The following CCSER2 variants were observed in gnomAD, a reference collection of about 807,000 sequenced individuals.
The protein encoded by CCSER2 is coiled-coil serine rich protein 2.
Under a neutral mutation model 92.3 loss-of-function variants are expected in CCSER2, and 46 were observed. The ratio of observed to expected loss-of-function variants is 0.50; its 90% CI spans 0.39 to 0.64. CCSER2 has a LOEUF of 0.64. CCSER2 is among the 30% of genes least tolerant of loss of function. The probability of loss-of-function intolerance (pLI) is 0.00; values close to 1 mark genes in which losing one functional copy is unlikely to be tolerated. For synonymous variants in CCSER2, 433 were observed against 431.4 expected, an observed-to-expected ratio of 1.00 and a Z score of -0.04; for missense variants, 1,244 against 1,238.9, an observed-to-expected ratio of 1.00 and a Z score of -0.06.
At chr10:84,472,682 A>C (rs896230321) in intron 8 of CCSER2, among the ~76,000 whole-genome samples, 1 of 152,188 alleles carries the variant, frequency 6.6e-6, no homozygotes, top group Non-Finnish European at 1.5e-5. Flanking sequence ...GATTTATGTA[A>C]AAGGTCACTT....
chr10:84,338,427 G>A (rs1478449658), intron 1 of CCSER2, among the ~76,000 whole-genome samples: 1 of 151,778 alleles, frequency 6.6e-6, no homozygotes, highest in Non-Finnish European at 1.5e-5. Context: ...GTGAAATTAG[G>A]GTCCCAAGTT....
At chr10:84,436,506 G>A (rs1394051902) in intron 5 of CCSER2, among the ~76,000 whole-genome samples, 1 of 147,410 alleles carries the variant, frequency 6.8e-6, no homozygotes, top group Non-Finnish European at 1.5e-5. Context: ...GTGCTGGCGG[G>A]CACCTGTAGT....
chr10:84,440,765 T>C (rs1469141688), intron 6 of CCSER2, among the ~76,000 whole-genome samples: 1 of 152,232 alleles, frequency 6.6e-6, no homozygotes, highest in Non-Finnish European at 1.5e-5. Context: ...AAAATCTCTT[T>C]ATCCTGGTCT....
chr10:84,389,072 C>A, intron 3 of CCSER2: 1 of 238,340 alleles, frequency 4.2e-6, no homozygotes, highest in South Asian at 4.7e-5. Flanking sequence ...TCCTCGGACC[C>A]CATTCAAGTT....
intron 1 of CCSER2, among the ~76,000 whole-genome samples, chr10:84,363,937 G>A (rs1212224463): frequency 6.6e-6 from 1 of 152,100 alleles, no homozygotes; most frequent in African/African-American, 2.4e-5. Context: ...AAGGCTATAT[G>A]GTATACTATC....
intron 9 of CCSER2, among the ~76,000 whole-genome samples, chr10:84,496,534 C>G (rs1848460638): frequency 6.6e-6 from 1 of 152,082 alleles, no homozygotes; most frequent in Non-Finnish European, 1.5e-5. Flanking sequence ...ATCTGCCCGC[C>G]TCGGCCTCCC....
rs1589465731 is a variant in CCSER2, at chr10:84,371,100, A to G, written c.48A>G (p.Pro16=). 6.2e-7 allele frequency: 1 copy of G among 1,604,796 alleles called. No homozygotes were observed. The highest frequency in any genetic ancestry group is 8.5e-7 in the Non-Finnish European group (1 of 1,176,738). ...QIKTFLGSKL[P]KYGTKSVRST... ...AGACATTTTTGGGTTCCAAGTTGCC[A>G]AAGTATGGAACAAAATCTGTAAGAA... The change falls in exon 2 of 10, where the codon CCA becomes CCG. Residue 16 remains proline, a synonymous_variant. Coordinates refer to ENST00000372088, the MANE Select transcript of CCSER2 (RefSeq NM_001284240.2).
intron 3 of CCSER2, among the ~76,000 whole-genome samples, chr10:84,410,413 C>T (rs1182913819): frequency 6.6e-6 from 1 of 152,168 alleles, no homozygotes; most frequent in Non-Finnish European, 1.5e-5. Context: ...TCTTCACAGC[C>T]ATACCAGCAT....
Position 84,517,636 on chromosome 10 carries a change from T to C in CCSER2, c.*3369T>C, listed in dbSNP as rs188056860. The C allele has an allele frequency of 2.0e-5, 3 of 152,752 alleles. No individual in the cohort carries two copies. Among genetic ancestry groups the C allele is most frequent in the East Asian group, 3.9e-4 (2 of 5,188 alleles). The allele number at this position is 152,752 out of a possible 1,614,324, so 9.5% of individuals were successfully genotyped here. ...TTGTAATTGTTGCTGTTTGAAGATA[T>C]CAGTACAGCTGTTCACAGAAATATA... On this transcript the variant is annotated 3_prime_UTR_variant, in exon 10 of 10. Transcript: ENST00000372088.
At chr10:84,353,200 C>A (rs1844961867) in intron 1 of CCSER2, among the ~76,000 whole-genome samples, 1 of 152,146 alleles carries the variant, frequency 6.6e-6, no homozygotes, top group Non-Finnish European at 1.5e-5. Context: ...CTTTTGTTTT[C>A]AGCAGGGACG....
intron 3 of CCSER2, among the ~76,000 whole-genome samples, chr10:84,377,182 C>A (rs532289705): frequency 2.0e-5 from 3 of 152,186 alleles, no homozygotes; most frequent in African/African-American, 7.2e-5. Flanking sequence ...ATAGAACTTA[C>A]CAATTTTGAT....
chr10:84,511,054 G>A lies in CCSER2; in HGVS notation c.2326-2395G>A, dbSNP rs574876619. Among the ~76,000 whole-genome samples, 10 of 152,050 alleles carry A rather than the reference G, an allele frequency of 6.6e-5. No individual in the cohort carries two copies. In the East Asian group the frequency reaches 9.6e-4, roughly 15 times the overall value. ...TAATAAAAATATAAAATTTTATTTC[G>A]CATATAGAAACCACTGATTTAGTTA... On this transcript the variant is annotated intron_variant, in intron 9 of 9. Coordinates refer to ENST00000372088, the MANE Select transcript of CCSER2 (RefSeq NM_001284240.2).
At chr10:84,389,516 G>A (rs1421472128) in intron 3 of CCSER2, 1 of 273,108 alleles carries the variant, frequency 3.7e-6, no homozygotes, top group Non-Finnish European at 7.3e-6. Flanking sequence ...GGTACTGGTT[G>A]CCCTGGGGGC....
Position 84,371,516 on chromosome 10 carries a change from G to T in CCSER2, c.464G>T (p.Gly155Val). Residue 155 changes from glycine (G) to valine (V), a missense_variant, in exon 2 of 10, where the codon GGC becomes GTC. By Grantham distance (109) the Gly-to-Val change is moderately radical. Transcript: ENST00000372088. ...GPSNLGKFTK[G>V]TLLGRTSYSS... ...TCTAATTTGGGTAAATTCACCAAAG[G>T]CACATTATTAGGAAGGACTTCATAT... The T allele has an allele frequency of 3.7e-6, 6 of 1,613,606 alleles. No individual in the cohort carries two copies. The highest frequency in any genetic ancestry group is 5.1e-6 in the Non-Finnish European group (6 of 1,179,742).
intron 3 of CCSER2, among the ~76,000 whole-genome samples, chr10:84,400,281 G>T (rs772671385): frequency 7.9e-5 from 12 of 152,198 alleles, no homozygotes; most frequent in South Asian, 2.1e-4. Context: ...TCGTATCAAA[G>T]AATTCATTAC....
chr10:84,355,063 T>C (rs547375398), intron 1 of CCSER2, among the ~76,000 whole-genome samples: 2 of 152,278 alleles, frequency 1.3e-5, no homozygotes, highest in South Asian at 4.1e-4. Context: ...ATCTTTGTTG[T>C]CTTTCTCATG....
chr10:84,387,494 C>T (rs1485087254), intron 3 of CCSER2, among the ~76,000 whole-genome samples: 2 of 152,008 alleles, frequency 1.3e-5, no homozygotes, highest in Non-Finnish European at 2.9e-5. Flanking sequence ...TAGTATACTA[C>T]TTTGTATTGA....
At chr10:84,391,226 G>A (rs748350655) in intron 3 of CCSER2, 1 of 1,202,740 alleles carries the variant, frequency 8.3e-7, no homozygotes, top group Admixed American at 1.7e-5. Context: ...GAGACAATGA[G>A]GAAAACTTGC....
chr10:84,457,285 A>ATAATATG (rs1845728771), intron 6 of CCSER2, among the ~76,000 whole-genome samples: 4 of 79,406 alleles, frequency 5.0e-5, no homozygotes, highest in Non-Finnish European at 9.0e-5. Flanking sequence ...TATATTATAT[A>ATAATATG]TTATATATTA....
Sources: allele counts gnomAD v4.1 joint callset (sites outside exome capture counted in the v4.1 genomes callset), GRCh38; gene constraint gnomAD v4.1.1; transcripts MANE v1.5; gene names NCBI Gene and HGNC (gene_info 2026-07-23, HGNC 2026-07-21).